KCNIP4: variants seen among roughly 807,000 people sequenced by gnomAD.
The protein encoded by KCNIP4 is potassium voltage-gated channel interacting protein 4.
In KCNIP4, 12 loss-of-function variants were observed where a neutral mutation model predicts 34.0. The ratio of observed to expected loss-of-function variants is 0.35; its 90% confidence interval spans 0.23 to 0.57. The LOEUF (loss-of-function observed/expected upper bound fraction) is 0.57, where lower values mean the gene tolerates loss of function less well. Ranked by LOEUF, KCNIP4 falls within the 20% of genes least tolerant of loss-of-function variation. KCNIP4 has a pLI of 0.83. For synonymous variants in KCNIP4, 124 were observed against 102.2 expected (o/e 1.21, Z -1.29); for missense variants, 238 against 311.7 (o/e 0.76, Z 1.78).
intron 1 of KCNIP4, among the ~76,000 whole-genome samples, chr4:21,713,119 T>C (rs1215388845): frequency 2.6e-5 from 4 of 152,178 alleles, no homozygotes; most frequent in African/African-American, 7.2e-5. Context: ...AATTTCCTCA[T>C]GGGTAAAGGA....
At chr4:20,889,967 T>C (rs78548221) in intron 1 of KCNIP4, among the ~76,000 whole-genome samples, 1 of 152,072 alleles carries the variant, frequency 6.6e-6, no homozygotes, top group Non-Finnish European at 1.5e-5. Flanking sequence ...GCATTATAAA[T>C]GATGTTCTTT....
intron 1 of KCNIP4, among the ~76,000 whole-genome samples, chr4:21,131,343 C>G (rs185686162): frequency 3.9e-5 from 6 of 152,046 alleles, no homozygotes; most frequent in Non-Finnish European, 8.8e-5. Context: ...AGAACTAAAA[C>G]CAAAAAAGCA....
intron 1 of KCNIP4, among the ~76,000 whole-genome samples, chr4:20,943,314 C>T (rs189074601): frequency 3.3e-5 from 5 of 152,256 alleles, no homozygotes; most frequent in African/African-American, 9.6e-5. Flanking sequence ...CAGCAGTGTG[C>T]ATGCCAACCA....
chr4:21,247,593 A>ATATATATATATG (rs60732659), intron 1 of KCNIP4, among the ~76,000 whole-genome samples: 2 of 140,838 alleles, frequency 1.4e-5, no homozygotes, highest in African/African-American at 5.5e-5. Context: ...ATATATATAT[A>ATATATATATATG]CACCACAGAT....
At chr4:20,854,457 A>T (rs976839817) in intron 2 of KCNIP4, among the ~76,000 whole-genome samples, 13 of 152,184 alleles carry the variant, frequency 8.5e-5, no homozygotes, top group African/African-American at 2.9e-4. Context: ...GCAAAGGCAT[A>T]AGAATGATAC....
At chr4:21,556,930 A>ACAAAAAAAAAAAAAAAAAC (rs1739092858) in intron 1 of KCNIP4, among the ~76,000 whole-genome samples, 1 of 108,194 alleles carries the variant, frequency 9.2e-6, no homozygotes, top group Non-Finnish European at 2.0e-5. Context: ...CAGAAAAAAA[A>ACAAAAAAAAAAAAAAAAAC]AAAAAAAAAA....
chr4:21,604,014 G>A (rs1229793003), intron 1 of KCNIP4, among the ~76,000 whole-genome samples: 1 of 151,964 alleles, frequency 6.6e-6, no homozygotes, highest in Non-Finnish European at 1.5e-5. Context: ...TCGGTAATGG[G>A]AAATCTAAGA....
intron 1 of KCNIP4, among the ~76,000 whole-genome samples, chr4:21,808,503 T>C (rs1721433215): frequency 6.6e-6 from 1 of 152,174 alleles, no homozygotes; most frequent in African/African-American, 2.4e-5. Context: ...ATAAAACACA[T>C]AACATACAGA....
At chr4:20,837,695 T>TTTTTTTC (rs1426696277) in intron 3 of KCNIP4, among the ~76,000 whole-genome samples, 1 of 147,510 alleles carries the variant, frequency 6.8e-6, no homozygotes, top group African/African-American at 2.5e-5. Context: ...TATTTTTTTT[T>TTTTTTTC]CCTTGGAGAT....
intron 1 of KCNIP4, chr4:21,697,295 C>A (rs1044591445): frequency 7.2e-7 from 1 of 1,385,536 alleles, no homozygotes; most frequent in South Asian, 1.8e-5. Context: ...AACTTCATTA[C>A]CATGCTCTAC....
At chr4:21,301,587 A>C (rs1373558771) in intron 1 of KCNIP4, among the ~76,000 whole-genome samples, 1 of 152,196 alleles carries the variant, frequency 6.6e-6, no homozygotes, top group Non-Finnish European at 1.5e-5. Flanking sequence ...GGAGGAAAGG[A>C]ACTCTCAGGC....
At chr4:21,825,514 T>C (rs1228088718) in intron 1 of KCNIP4, among the ~76,000 whole-genome samples, 1 of 152,162 alleles carries the variant, frequency 6.6e-6, no homozygotes, top group Non-Finnish European at 1.5e-5. Context: ...TGCTTGTATA[T>C]ATAAAGATTT....
chr4:21,839,747 C>T (rs1723564939), intron 1 of KCNIP4, among the ~76,000 whole-genome samples: 1 of 134,728 alleles, frequency 7.4e-6, no homozygotes, highest in Non-Finnish European at 1.8e-5. Flanking sequence ...AAGAGCAAAA[C>T]TCCATCTCAA....
Position 20,972,805 on chromosome 4 carries a change from C to T in KCNIP4, c.62-90096G>A, listed in dbSNP as rs147077759. 2.2e-4 allele frequency among the ~76,000 whole-genome samples: 34 copies of T among 152,274 alleles called. 1 individual carries two copies. The East Asian group carries it at 5.0e-3, about 22-fold the overall frequency. On this transcript the variant is annotated intron_variant, in intron 1 of 8. Transcript: ENST00000382152. ...CAGGCAAAAAGTTGACTTCAACTCT[C>T]ATGAATGATTTTGAGGGGTTCAATA...
At chr4:21,510,619 T>C (rs1734232118) in intron 1 of KCNIP4, among the ~76,000 whole-genome samples, 1 of 152,176 alleles carries the variant, frequency 6.6e-6, no homozygotes, top group African/African-American at 2.4e-5. Flanking sequence ...TACTAGACCA[T>C]TAACAAGTTG....
chr4:21,076,856 C>T (rs1577650627), intron 1 of KCNIP4, among the ~76,000 whole-genome samples: 1 of 152,222 alleles, frequency 6.6e-6, no homozygotes, highest in South Asian at 2.1e-4. Flanking sequence ...GGTGCAGTGG[C>T]TAGTGCTTGT....
chr4:21,000,680 CG>C (rs1577513191), intron 1 of KCNIP4, among the ~76,000 whole-genome samples: 1 of 151,538 alleles, frequency 6.6e-6, no homozygotes, highest in African/African-American at 2.4e-5. Context: ...AACATAACTT[CG>C]TCTCAAAGAA....
intron 1 of KCNIP4, among the ~76,000 whole-genome samples, chr4:21,218,335 T>C (rs182079149): frequency 6.6e-6 from 1 of 152,286 alleles, no homozygotes; most frequent in Admixed American, 6.5e-5. Flanking sequence ...TATTTATTTA[T>C]ATTTGGTGTG....
At chr4:21,684,610 T>C (rs573773806) in intron 1 of KCNIP4, among the ~76,000 whole-genome samples, 4 of 152,154 alleles carry the variant, frequency 2.6e-5, no homozygotes, top group Non-Finnish European at 5.9e-5. Context: ...CTATACTTTA[T>C]ATCCTAGGAA....
Sources: allele counts gnomAD v4.1 joint callset (sites outside exome capture counted in the v4.1 genomes callset), GRCh38; gene constraint gnomAD v4.1.1; transcripts MANE v1.5; gene names NCBI Gene and HGNC (gene_info 2026-07-23, HGNC 2026-07-21).